The following TASP1 variants were observed in gnomAD, a reference collection of about 807,000 sequenced individuals.
The protein encoded by TASP1 is threonine aspartase 1.
TASP1 carries 16 observed loss-of-function variants against 56.6 expected under a neutral mutation model. The ratio of observed to expected loss-of-function variants is 0.28; its 90% CI spans 0.19 to 0.43. The LOEUF (loss-of-function observed/expected upper bound fraction) is 0.43, where lower values mean the gene tolerates loss of function less well. Ranked by LOEUF, TASP1 falls within the 20% of genes least tolerant of loss-of-function variation. TASP1 has a pLI of 1.00. For missense variants in TASP1, 393 were observed against 511.6 expected (o/e 0.77, Z 2.24); for synonymous variants, 179 against 184.2 (o/e 0.97, Z 0.23).
Position 13,565,191 on chromosome 20 carries a change from T to A in TASP1, c.568+4316A>T, listed in dbSNP as rs147313207. On this transcript the variant is annotated intron_variant, in intron 7 of 13. Transcript: ENST00000337743. ...GTGTTTGAAAGATTAGACAACCACA[T>A]GCAAAGGAATGTAGTTAGACCCCCA... Among the ~76,000 whole-genome samples the A allele has an allele frequency of 4.8e-3, 731 of 152,072 alleles. 4 individuals carry two copies. Among genetic ancestry groups the A allele is most frequent in the Middle Eastern group, 0.031 (9 of 294 alleles).
chr20:13,391,290 A>C (rs2041265199), intron 13 of TASP1, among the ~76,000 whole-genome samples: 1 of 152,180 alleles, frequency 6.6e-6, no homozygotes. Flanking sequence ...CACTCAGAGG[A>C]GGCTGGGGCT....
intron 5 of TASP1, among the ~76,000 whole-genome samples, chr20:13,581,502 C>T (rs150406836): frequency 1.6e-4 from 25 of 152,142 alleles, no homozygotes; most frequent in African/African-American, 3.6e-4. Context: ...AGAGACAGAA[C>T]GGGGAAATGT....
the TASP1 span, among the ~76,000 whole-genome samples, chr20:13,346,511 G>A: frequency 2.0e-5 from 3 of 152,296 alleles, no homozygotes; most frequent in Admixed American, 1.3e-4. Flanking sequence ...ACCCATTAGC[G>A]AAGCCAAATC....
At chr20:13,310,086 AC>A in the TASP1 span, among the ~76,000 whole-genome samples, 2 of 152,240 alleles carry the variant, frequency 1.3e-5, no homozygotes, top group African/African-American at 2.4e-5. Flanking sequence ...AACATAAAAA[AC>A]AATTCCAAAA....
At chr20:13,302,999 T>C in the TASP1 span, among the ~76,000 whole-genome samples, 2 of 152,218 alleles carry the variant, frequency 1.3e-5, no homozygotes, top group Non-Finnish European at 2.9e-5. Context: ...GAACAGCTAC[T>C]ATACAAGCCA....
chr20:13,140,164 C>T, the TASP1 span, among the ~76,000 whole-genome samples: 1 of 152,140 alleles, frequency 6.6e-6, no homozygotes, highest in Non-Finnish European at 1.5e-5. Flanking sequence ...GAAATAGTAG[C>T]ATACAGACAT....
At chr20:13,517,496 G>C (rs971871071) in intron 10 of TASP1, among the ~76,000 whole-genome samples, 8 of 152,028 alleles carry the variant, frequency 5.3e-5, no homozygotes. Flanking sequence ...TTCCGCTTTT[G>C]TTTAATGGCA....
chr20:13,210,556 G>T, the TASP1 span, among the ~76,000 whole-genome samples: 1 of 151,860 alleles, frequency 6.6e-6, no homozygotes, highest in Non-Finnish European at 1.5e-5. Context: ...TATACATAGT[G>T]CAGTCTATGT....
At chr20:13,215,467 G>C in the TASP1 span, among the ~76,000 whole-genome samples, 1 of 152,164 alleles carries the variant, frequency 6.6e-6, no homozygotes, top group East Asian at 1.9e-4. Flanking sequence ...GCAATAAAGG[G>C]GTCTCTTTTC....
the TASP1 span, among the ~76,000 whole-genome samples, chr20:13,262,202 G>A: frequency 6.6e-6 from 1 of 152,116 alleles, no homozygotes; most frequent in African/African-American, 2.4e-5. Context: ...TTGACTTAAA[G>A]GGGTGGCTGA....
the TASP1 span, among the ~76,000 whole-genome samples, chr20:13,290,769 G>C: frequency 6.6e-6 from 1 of 152,190 alleles, no homozygotes; most frequent in South Asian, 2.1e-4. Context: ...AATGGCTAAA[G>C]TCCTTACAGG....
At chr20:13,332,325 G>A in the TASP1 span, among the ~76,000 whole-genome samples, 1 of 150,100 alleles carries the variant, frequency 6.7e-6, no homozygotes, top group Non-Finnish European at 1.5e-5. Flanking sequence ...ATATAAAGCT[G>A]TTTTCTCTCT....
chr20:13,595,242 G>C (rs546818998), intron 4 of TASP1, among the ~76,000 whole-genome samples: 1 of 152,228 alleles, frequency 6.6e-6, no homozygotes, highest in African/African-American at 2.4e-5. Context: ...AACATGGAAA[G>C]GAACAACCAG....
chr20:13,227,908 A>T, the TASP1 span, among the ~76,000 whole-genome samples: 1 of 150,526 alleles, frequency 6.6e-6, no homozygotes, highest in South Asian at 2.1e-4. Flanking sequence ...ACCAATAATT[A>T]TTTAGACTTA....
intron 4 of TASP1, among the ~76,000 whole-genome samples, chr20:13,606,794 G>A (rs567420486): frequency 5.0e-5 from 7 of 141,160 alleles, no homozygotes; most frequent in South Asian, 4.7e-4. Context: ...GCGACTGAGC[G>A]AGACTCCGTC....
chr20:13,268,082 G>A, the TASP1 span, among the ~76,000 whole-genome samples: 1 of 142,970 alleles, frequency 7.0e-6, no homozygotes, highest in Non-Finnish European at 1.5e-5. Flanking sequence ...ATCTTATGTT[G>A]AGAAAAGATA....
the TASP1 span, among the ~76,000 whole-genome samples, chr20:13,210,580 C>T: frequency 6.6e-6 from 1 of 151,100 alleles, no homozygotes; most frequent in East Asian, 2.0e-4. Flanking sequence ...TTTGCATGTG[C>T]AGATAAATGG....
chr20:13,466,791 A>G (rs2044275039), intron 11 of TASP1, among the ~76,000 whole-genome samples: 1 of 152,118 alleles, frequency 6.6e-6, no homozygotes, highest in African/African-American at 2.4e-5. Flanking sequence ...TTCATCAGAG[A>G]CTGAAATCAG....
At chr20:13,251,657 T>C in the TASP1 span, among the ~76,000 whole-genome samples, 4 of 152,222 alleles carry the variant, frequency 2.6e-5, no homozygotes, top group African/African-American at 9.6e-5. Context: ...ATATTTCCTT[T>C]GGTCAGAGAG....
Sources: gnomAD v4.1 joint callset for allele counts (sites outside exome capture counted in the v4.1 genomes callset) on GRCh38, gnomAD v4.1.1 for gene constraint, MANE v1.5 for transcripts, NCBI Gene and HGNC (gene_info 2026-07-23, HGNC 2026-07-21) for gene names.